The following KIAA1549L variants were observed in gnomAD, a reference collection of about 807,000 sequenced individuals.
KIAA1549L encodes KIAA1549 like, also known as UPF0606 protein KIAA1549L.
Under a neutral mutation model 160.7 loss-of-function variants are expected in KIAA1549L, and 88 were observed. That is an observed-to-expected ratio of 0.55 (90% confidence interval 0.46 to 0.65). The LOEUF (loss-of-function observed/expected upper bound fraction) is 0.65, where lower values mean the gene tolerates loss of function less well. KIAA1549L is among the 30% of genes least tolerant of loss of function. KIAA1549L has a pLI of 0.00. For missense variants in KIAA1549L, 2,258 were observed against 2,437.5 expected, an observed-to-expected ratio of 0.93 and a Z score of 1.55; for synonymous variants, 950 against 976.7, an observed-to-expected ratio of 0.97 and a Z score of 0.51.
intron 1 of KIAA1549L, among the ~76,000 whole-genome samples, chr11:33,439,592 T>A (rs1851453270): frequency 7.9e-6 from 1 of 125,958 alleles, no homozygotes; most frequent in African/African-American, 3.0e-5. Flanking sequence ...TTTTTTTTTT[T>A]AGTATAGACG....
chr11:33,592,519 A>T (rs1447635889), intron 12 of KIAA1549L, among the ~76,000 whole-genome samples: 1 of 152,062 alleles, frequency 6.6e-6, no homozygotes, highest in Non-Finnish European at 1.5e-5. Flanking sequence ...AAACTACATC[A>T]TCCATGTCTC....
intron 17 of KIAA1549L, 61 bp downstream of exon 17, chr11:33,646,097 A>T: frequency 7.7e-7 from 1 of 1,297,340 alleles, no homozygotes; most frequent in Non-Finnish European, 1.1e-6. Context: ...GAGTTCCAAC[A>T]GGAGACTCAG....
At chr11:33,504,813 C>T (rs1853042286) in intron 1 of KIAA1549L, among the ~76,000 whole-genome samples, 1 of 152,182 alleles carries the variant, frequency 6.6e-6, no homozygotes, top group Non-Finnish European at 1.5e-5. Flanking sequence ...GTTACCTATG[C>T]TGGAGTGCAG....
rs138912554 is a variant in KIAA1549L at position 33,469,636 on chromosome 11, C to T, written c.239-72166C>T. Among the ~76,000 whole-genome samples the T allele has an allele frequency of 2.6e-3, 390 of 152,262 alleles. 1 individual carries two copies. Among genetic ancestry groups the T allele is most frequent in the African/African-American group, 7.7e-3 (321 of 41,554 alleles). On this transcript the variant is annotated intron_variant, in intron 1 of 20. Coordinates refer to ENST00000658780, the MANE Select transcript of KIAA1549L (RefSeq NM_012194.3). ...AGGCTGCACCATTTTAGAATCTTGC[C>T]GGCAATGTATGAGGATTCTGATTTC...
intron 7 of KIAA1549L, 128 bp from the exon 8 acceptor site, chr11:33,561,548 C>G: frequency 1.4e-6 from 1 of 737,318 alleles, no homozygotes; most frequent in Non-Finnish European, 2.4e-6. Context: ...GCAAGGACCA[C>G]TTGAGCCCAG....
rs1331275332 is a variant in KIAA1549L, at chr11:33,543,747, A to G, written c.2184A>G (p.Thr728=). ...QQTNYDLNGH[T]ISTTSWETHL... ...CAAATTATGATTTAAATGGACACAC[A>G]ATTAGCACCACAAGTTGGGAAACTC... Residue 728 remains threonine, a synonymous_variant, in exon 2 of 21, where the codon ACA becomes ACG. Transcript: ENST00000658780. The G allele has an allele frequency of 1.2e-6, 2 of 1,614,056 alleles. No homozygotes were observed. The highest frequency in any genetic ancestry group is 3.3e-5 in the Admixed American group (2 of 60,036).
At chr11:33,442,397 A>G (rs1034915881) in intron 1 of KIAA1549L, among the ~76,000 whole-genome samples, 47 of 151,830 alleles carry the variant, frequency 3.1e-4, no homozygotes, top group Admixed American at 2.0e-4. Context: ...TTGACTTGGC[A>G]ATGCGGGCTC....
chr11:33,381,470 G>C (rs1192457034), intron 1 of KIAA1549L, among the ~76,000 whole-genome samples: 1 of 152,180 alleles, frequency 6.6e-6, no homozygotes, highest in African/African-American at 2.4e-5. Flanking sequence ...GTTTGAGGAA[G>C]AGCAGGAATG....
chr11:33,483,341 G>A (rs558743319), intron 1 of KIAA1549L, among the ~76,000 whole-genome samples: 4 of 152,300 alleles, frequency 2.6e-5, no homozygotes, highest in African/African-American at 9.6e-5. Flanking sequence ...CGTTCTGGGC[G>A]CCCTTTGGGA....
In KIAA1549L at chr11:33,669,858, T is replaced by A. The variant is rs1260742484; in HGVS notation, c.*1704T>A. On this transcript the variant is annotated 3_prime_UTR_variant, in exon 21 of 21. Transcript: ENST00000658780. ...CGGATGATAATAGGTAGTGTCCTTT[T>A]AGTATGCTGGTTGATCTTTCATAGT... 1 of 152,242 alleles carries A rather than the reference T, an allele frequency of 6.6e-6. No homozygotes were observed. Among genetic ancestry groups the A allele is most frequent in the Non-Finnish European group, 1.5e-5 (1 of 68,044 alleles). The allele number at this position is 152,242 out of a possible 1,614,324, so 9.4% of individuals were successfully genotyped here.
intron 1 of KIAA1549L, among the ~76,000 whole-genome samples, chr11:33,486,604 AT>A (rs1252950297): frequency 6.6e-6 from 1 of 152,172 alleles, no homozygotes; most frequent in Non-Finnish European, 1.5e-5. Flanking sequence ...ACAATGTTTT[AT>A]TAAAGGTTAG....
intron 12 of KIAA1549L, among the ~76,000 whole-genome samples, chr11:33,597,356 A>C (rs569367848): frequency 6.6e-6 from 1 of 152,232 alleles, no homozygotes; most frequent in East Asian, 1.9e-4. Flanking sequence ...TGAGAACTGG[A>C]AATTTCCGGA....
At position 33,668,182 on chromosome 11, in the gene KIAA1549L, T is replaced by G; in HGVS notation, c.*28T>G. 2.5e-6 allele frequency: 4 copies of G among 1,598,176 alleles called. No homozygotes were observed. Among genetic ancestry groups the G allele is most frequent in the Non-Finnish European group, 3.4e-6 (4 of 1,170,792 alleles). On this transcript the variant is annotated 3_prime_UTR_variant, in exon 21 of 21. Transcript: ENST00000658780. ...CCTTAGCCCCGTGGGACTCTGGACTTCCAAACTCTGAGGACTCAGCCTTTG... is the reference window on the plus strand; with the variant it reads ...CCTTAGCCCCGTGGGACTCTGGACTGCCAAACTCTGAGGACTCAGCCTTTG...
chr11:33,579,694 C>T (rs530985184), intron 10 of KIAA1549L, among the ~76,000 whole-genome samples: 9 of 152,156 alleles, frequency 5.9e-5, no homozygotes, highest in East Asian at 1.9e-4. Flanking sequence ...ATCAAGGTAA[C>T]GCTATAGACT....
At chr11:33,598,261 G>A (rs1048790521) in intron 12 of KIAA1549L, among the ~76,000 whole-genome samples, 5 of 150,506 alleles carry the variant, frequency 3.3e-5, no homozygotes, top group Admixed American at 6.6e-5. Flanking sequence ...GGGGTATTAT[G>A]CAAAGAATAA....
Position 33,561,669 on chromosome 11 carries a change from G to C in KIAA1549L, c.4019-7G>C. Reference sequence around the variant, plus strand: ...AAGTAATTGGGTATGTTTCTTATTTGTTTTAGCACTGGAATATCCCAACCT... The same window carrying C: ...AAGTAATTGGGTATGTTTCTTATTTCTTTTAGCACTGGAATATCCCAACCT... On this transcript the variant is annotated splice_region_variant and splice_polypyrimidine_tract_variant and intron_variant, in intron 7 of 20. Transcript: ENST00000658780. 1 of 1,597,622 alleles carries C rather than the reference G, an allele frequency of 6.3e-7. No homozygotes were observed. The highest frequency in any genetic ancestry group is 1.3e-5 in the African/African-American group (1 of 74,698).
chr11:33,612,441 G>C (rs1850671990), intron 15 of KIAA1549L, among the ~76,000 whole-genome samples: 1 of 152,154 alleles, frequency 6.6e-6, no homozygotes, highest in Non-Finnish European at 1.5e-5. Context: ...TATTTTTGTA[G>C]AGATGGGGTT....
chr11:33,464,088 C>G (rs1018700028), intron 1 of KIAA1549L, among the ~76,000 whole-genome samples: 1 of 152,214 alleles, frequency 6.6e-6, no homozygotes, highest in Admixed American at 6.5e-5. Flanking sequence ...ATTATTATCT[C>G]CTTTTCACAA....
intron 9 of KIAA1549L, among the ~76,000 whole-genome samples, chr11:33,574,382 A>T (rs922995438): frequency 1.3e-5 from 2 of 152,236 alleles, no homozygotes; most frequent in Non-Finnish European, 2.9e-5. Flanking sequence ...ACATGCCCTG[A>T]ATTAAATGCA....
Sources: allele counts gnomAD v4.1 joint callset (sites outside exome capture counted in the v4.1 genomes callset), GRCh38; gene constraint gnomAD v4.1.1; transcripts MANE v1.5; gene names NCBI Gene and HGNC (gene_info 2026-07-23, HGNC 2026-07-21).